SGIP1: variants seen among roughly 807,000 people sequenced by gnomAD.
SGIP1 encodes the protein SH3GL interacting endocytic adaptor 1, also known as SH3-containing GRB2-like protein 3-interacting protein 1.
In SGIP1, 38 loss-of-function variants were observed where a neutral mutation model predicts 107.5. That is an observed-to-expected ratio of 0.35 (90% confidence interval 0.27 to 0.46). SGIP1 has a LOEUF of 0.46. SGIP1 is among the 20% of genes least tolerant of loss of function. The pLI is 1.00. For missense variants in SGIP1, 929 were observed against 1,019.5 expected (o/e 0.91, Z 1.21); for synonymous variants, 365 against 366.1 (o/e 1.00, Z 0.03).
chr1:66,740,762 C>T (rs1266523059), intron 23 of SGIP1, 40 bp downstream of exon 23: 1 of 1,403,514 alleles, frequency 7.1e-7, no homozygotes, highest in South Asian at 1.2e-5. Context: ...ACATGTAAAG[C>T]TAAAATGGCT....
intron 18 of SGIP1, among the ~76,000 whole-genome samples, chr1:66,709,508 T>A (rs2092765600): frequency 3.9e-5 from 6 of 152,166 alleles, no homozygotes; most frequent in Admixed American, 3.9e-4. Flanking sequence ...TAGTAATGCC[T>A]ATCTGGACAC....
intron 7 of SGIP1, among the ~76,000 whole-genome samples, chr1:66,651,625 C>T (rs2078772407): frequency 6.6e-6 from 1 of 152,188 alleles, no homozygotes; most frequent in African/African-American, 2.4e-5. Context: ...GCCCACCTCA[C>T]AGACTTTCTC....
At chr1:66,609,955 T>C (rs191778714) in intron 1 of SGIP1, among the ~76,000 whole-genome samples, 1 of 152,316 alleles carries the variant, frequency 6.6e-6, no homozygotes, top group African/African-American at 2.4e-5. Flanking sequence ...AAAGTCACCC[T>C]TTACTTTCCT....
chr1:66,584,479 C>G (rs1460432115), intron 1 of SGIP1, among the ~76,000 whole-genome samples: 6 of 152,278 alleles, frequency 3.9e-5, no homozygotes, highest in Middle Eastern at 3.4e-3. Flanking sequence ...TAAAATTTCT[C>G]TAGCTCCAGG....
chr1:66,670,691 GT>G (rs988780626), intron 9 of SGIP1, among the ~76,000 whole-genome samples: 24 of 151,856 alleles, frequency 1.6e-4, no homozygotes, highest in African/African-American at 4.1e-4. Flanking sequence ...ACTTCAAGAG[GT>G]TTTTTTTAAT....
intron 1 of SGIP1, among the ~76,000 whole-genome samples, chr1:66,598,630 AG>A (rs755878626): frequency 3.1e-4 from 47 of 152,192 alleles, no homozygotes; most frequent in Non-Finnish European, 5.3e-4. Context: ...TGAATGTGAA[AG>A]GGGAGCCAGC....
chr1:66,659,998 G>GAAAGAAAGAAAGAAAGAAGGAAAT (rs1557497159), intron 7 of SGIP1: 1 of 71,914 alleles, frequency 1.4e-5, no homozygotes, highest in Non-Finnish European at 2.2e-5. Context: ...AAGAAAGAAA[G>GAAAGAAAGAAAGAAAGAAGGAAAT]ACAGACAGAC....
At chr1:66,739,680 A>T in intron 22 of SGIP1, 143 bp downstream of exon 22, 1 of 733,434 alleles carries the variant, frequency 1.4e-6, no homozygotes, top group Non-Finnish European at 2.2e-6. Context: ...AACCACTGGT[A>T]GCTATTTTAA....
chr1:66,735,676 C>T (rs1295834992), intron 21 of SGIP1, among the ~76,000 whole-genome samples: 2 of 66,586 alleles, frequency 3.0e-5, no homozygotes, highest in Non-Finnish European at 6.6e-5. Context: ...AAAAATTAGC[C>T]GGGCGCGGTG....
chr1:66,560,350 G>A (rs1011919456), intron 1 of SGIP1, among the ~76,000 whole-genome samples: 8 of 151,936 alleles, frequency 5.3e-5, no homozygotes, highest in African/African-American at 1.2e-4. Context: ...CATTAGTTCC[G>A]CACTCTATCC....
intron 18 of SGIP1, among the ~76,000 whole-genome samples, chr1:66,711,786 T>C (rs2092938399): frequency 6.6e-6 from 1 of 152,106 alleles, no homozygotes; most frequent in Admixed American, 6.5e-5. Flanking sequence ...CTGCTGCCCA[T>C]GCTTCAGATT....
chr1:66,644,260 C>G (rs2077268835), intron 7 of SGIP1, among the ~76,000 whole-genome samples: 1 of 151,900 alleles, frequency 6.6e-6, no homozygotes, highest in South Asian at 2.1e-4. Flanking sequence ...TAAATAATCT[C>G]ATCTTTAAGG....
chr1:66,539,224 AAGAAAGAGGTCATAGGT>A (rs1216447756), intron 1 of SGIP1, among the ~76,000 whole-genome samples: 1 of 152,164 alleles, frequency 6.6e-6, no homozygotes, highest in Admixed American at 6.6e-5. Flanking sequence ...TTAACTGAAT[AAGAAAGAGGTCATAGGT>A]AGAACAGAAT....
chr1:66,694,544 C>A (rs775054731), intron 17 of SGIP1: 1 of 1,493,052 alleles, frequency 6.7e-7, no homozygotes, highest in Non-Finnish European at 8.9e-7. Context: ...ACCTAGATTC[C>A]AAAAATCCAA....
chr1:66,734,469 T>C (rs554528705), intron 21 of SGIP1, among the ~76,000 whole-genome samples: 1 of 151,952 alleles, frequency 6.6e-6, no homozygotes, highest in Non-Finnish European at 1.5e-5. Flanking sequence ...GAGTCTCTCA[T>C]TGGTTCCCAG....
intron 1 of SGIP1, among the ~76,000 whole-genome samples, chr1:66,563,007 T>G (rs2059168626): frequency 6.6e-6 from 1 of 151,980 alleles, no homozygotes; most frequent in Non-Finnish European, 1.5e-5. Flanking sequence ...CACACTCTCT[T>G]GCATGTGGTA....
intron 13 of SGIP1, 128 bp downstream of exon 13, chr1:66,677,224 G>C: frequency 1.5e-6 from 1 of 680,226 alleles, no homozygotes; most frequent in Non-Finnish European, 2.5e-6. Context: ...ATTAAGAAGA[G>C]ATGTTATTCT....
chr1:66,603,164 AAG>A (rs1310121456), intron 1 of SGIP1, among the ~76,000 whole-genome samples: 1 of 152,210 alleles, frequency 6.6e-6, no homozygotes, highest in Non-Finnish European at 1.5e-5. Context: ...GAGAAAGAGA[AAG>A]AAATAGAATG....
At chr1:66,645,080 C>A (rs954291041) in intron 7 of SGIP1, among the ~76,000 whole-genome samples, 4 of 152,122 alleles carry the variant, frequency 2.6e-5, no homozygotes, top group African/African-American at 4.8e-5. Flanking sequence ...TGTCTAAAAC[C>A]AGTTTACAGC....
Sources: allele counts gnomAD v4.1 joint callset (sites outside exome capture counted in the v4.1 genomes callset), GRCh38; gene constraint gnomAD v4.1.1; transcripts MANE v1.5; gene names NCBI Gene and HGNC (gene_info 2026-07-23, HGNC 2026-07-21).